The following SLC24A2 variants were observed in gnomAD, a reference collection of about 807,000 sequenced individuals.
The protein encoded by SLC24A2 is solute carrier family 24 member 2.
In SLC24A2, 36 loss-of-function variants were observed where a neutral mutation model predicts 62.0. The observed-to-expected ratio is 0.58, with a 90% CI of 0.44 to 0.77. The LOEUF (loss-of-function observed/expected upper bound fraction) is 0.77. Ranked by LOEUF, SLC24A2 falls within the 30% of genes least tolerant of loss-of-function variation. The pLI is 0.00. For missense variants in SLC24A2, 846 were observed against 817.9 expected (o/e 1.03, Z -0.42); for synonymous variants, 358 against 294.0 (o/e 1.22, Z -2.23).
intron 2 of SLC24A2, among the ~76,000 whole-genome samples, chr9:19,716,716 G>A (rs539753712): frequency 6.6e-6 from 1 of 152,146 alleles, no homozygotes; most frequent in East Asian, 1.9e-4. Context: ...GGCTCTTGGT[G>A]TTTACAGTTT....
chr9:20,215,793 G>A, the SLC24A2 span, among the ~76,000 whole-genome samples: 3 of 151,664 alleles, frequency 2.0e-5, no homozygotes, highest in Non-Finnish European at 4.4e-5. Flanking sequence ...ATGCAGGCTG[G>A]GCCTGTGAGA....
intron 2 of SLC24A2, among the ~76,000 whole-genome samples, chr9:19,704,850 A>G (rs574952699): frequency 3.4e-5 from 5 of 145,506 alleles, no homozygotes; most frequent in East Asian, 4.0e-4. Flanking sequence ...GAGCATAGAC[A>G]TTTTCAAAAC....
chr9:20,100,974 T>C, the SLC24A2 span, among the ~76,000 whole-genome samples: 1 of 152,208 alleles, frequency 6.6e-6, no homozygotes, highest in African/African-American at 2.4e-5. Context: ...TGGTAACTTG[T>C]GCAAGTAGGC....
intron 2 of SLC24A2, among the ~76,000 whole-genome samples, chr9:19,634,186 G>T (rs1464831654): frequency 1.3e-5 from 2 of 151,672 alleles, no homozygotes; most frequent in East Asian, 1.9e-4. Flanking sequence ...GGGGTAAAAG[G>T]CTGAGTGAGG....
chr9:19,988,505 C>G, the SLC24A2 span, among the ~76,000 whole-genome samples: 1 of 152,168 alleles, frequency 6.6e-6, no homozygotes, highest in Non-Finnish European at 1.5e-5. Context: ...GCACAATCAG[C>G]GTTCCATTAA....
At chr9:20,034,436 ACT>A in the SLC24A2 span, among the ~76,000 whole-genome samples, 2 of 130,928 alleles carry the variant, frequency 1.5e-5, no homozygotes, top group African/African-American at 2.8e-5. Flanking sequence ...TATTTTAAAC[ACT>A]CTGGCCTTTT....
At chr9:19,669,705 C>A (rs13285693) in intron 2 of SLC24A2, among the ~76,000 whole-genome samples, 27,903 of 152,194 alleles carry the variant, frequency 0.18, 2,880 homozygotes, top group Middle Eastern at 0.24. Flanking sequence ...CAAGTTGAGA[C>A]CTTTTTCCAC....
At chr9:20,265,142 C>T in the SLC24A2 span, among the ~76,000 whole-genome samples, 7 of 152,388 alleles carry the variant, frequency 4.6e-5, no homozygotes, top group East Asian at 1.3e-3. Context: ...CCTGCCTGCA[C>T]TTCTGGAGCC....
chr9:19,656,760 C>T (rs1211001120), intron 2 of SLC24A2, among the ~76,000 whole-genome samples: 1 of 152,204 alleles, frequency 6.6e-6, no homozygotes, highest in Non-Finnish European at 1.5e-5. Flanking sequence ...CTTTACTCTT[C>T]TCCTTCCTTG....
At chr9:20,250,633 A>T in the SLC24A2 span, among the ~76,000 whole-genome samples, 2 of 151,958 alleles carry the variant, frequency 1.3e-5, no homozygotes, top group African/African-American at 4.8e-5. Flanking sequence ...AGTGTGCTGA[A>T]CACAAGAGCC....
the SLC24A2 span, among the ~76,000 whole-genome samples, chr9:20,286,496 C>G: frequency 4.5e-4 from 68 of 152,340 alleles, 1 homozygote; most frequent in African/African-American, 1.3e-3. Flanking sequence ...CACAGGACAA[C>G]TCAGTTTCTC....
chr9:19,798,627 C>CACACACACAA, the SLC24A2 span, among the ~76,000 whole-genome samples: 2 of 148,106 alleles, frequency 1.4e-5, no homozygotes, highest in African/African-American at 5.0e-5. Flanking sequence ...CACACACACA[C>CACACACACAA]CCCTGGAAAT....
the SLC24A2 span, among the ~76,000 whole-genome samples, chr9:20,292,317 T>C: frequency 6.6e-6 from 1 of 152,172 alleles, no homozygotes; most frequent in Non-Finnish European, 1.5e-5. Context: ...TTTATTCCAC[T>C]AATAGTCTCG....
At chr9:20,299,436 G>A in the SLC24A2 span, among the ~76,000 whole-genome samples, 1 of 152,200 alleles carries the variant, frequency 6.6e-6, no homozygotes, top group Non-Finnish European at 1.5e-5. Context: ...AATCCAGGAA[G>A]AAGCCAAAGC....
the SLC24A2 span, among the ~76,000 whole-genome samples, chr9:19,823,629 A>AAAAACAAAACAAAAC: frequency 2.7e-5 from 4 of 150,178 alleles, no homozygotes; most frequent in African/African-American, 9.8e-5. Flanking sequence ...CTCAGTCTCA[A>AAAAACAAAACAAAAC]AAAACAAAAC....
chr9:19,696,342 A>C (rs1455004674), intron 2 of SLC24A2, among the ~76,000 whole-genome samples: 1 of 152,158 alleles, frequency 6.6e-6, no homozygotes, highest in Non-Finnish European at 1.5e-5. Context: ...CAAATCTATA[A>C]GGCAATACAT....
the SLC24A2 span, among the ~76,000 whole-genome samples, chr9:20,078,782 C>G: frequency 6.6e-6 from 1 of 152,192 alleles, no homozygotes. Flanking sequence ...GCCTCCCTAT[C>G]CCAATCCTCA....
chr9:20,048,983 C>G, the SLC24A2 span, among the ~76,000 whole-genome samples: 565 of 151,718 alleles, frequency 3.7e-3, 8 homozygotes, highest in African/African-American at 0.013. Context: ...GCACAACGTG[C>G]AGGTTTGTTA....
chr9:19,620,884 A>G (rs1817892752), intron 3 of SLC24A2, among the ~76,000 whole-genome samples: 1 of 152,238 alleles, frequency 6.6e-6, no homozygotes. Context: ...AAACTTCTGC[A>G]TAACAGGGTT....
Sources: allele counts gnomAD v4.1 joint callset (sites outside exome capture counted in the v4.1 genomes callset), GRCh38; gene constraint gnomAD v4.1.1; transcripts MANE v1.5; gene names NCBI Gene and HGNC (gene_info 2026-07-23, HGNC 2026-07-21).